The following UBE2QL1 variants were observed in gnomAD, a reference collection of about 807,000 sequenced individuals.
The protein encoded by UBE2QL1 is ubiquitin-conjugating enzyme E2Q-like protein 1.
A neutral mutation model predicts 12.6 loss-of-function variants in UBE2QL1; 5 were observed. That is an observed-to-expected ratio of 0.40 (90% CI 0.21 to 0.83). UBE2QL1 has a LOEUF of 0.83. UBE2QL1 is among the 40% of genes least tolerant of loss of function. The probability of loss-of-function intolerance (pLI) is 0.37; values close to 1 mark genes in which losing one functional copy is unlikely to be tolerated. For synonymous variants in UBE2QL1, 96 were observed against 94.5 expected, an observed-to-expected ratio of 1.02 and a Z score of -0.10; for missense variants, 99 against 222.6, an observed-to-expected ratio of 0.44 and a Z score of 3.53.
intron 1 of UBE2QL1, among the ~76,000 whole-genome samples, chr5:6,470,686 C>G (rs533754): frequency 0.87 from 133,098 of 152,216 alleles, 58,756 homozygotes; most frequent in South Asian, 0.96. Flanking sequence ...AGGGTGCAGG[C>G]TGATGTGGAC....
At chr5:6,452,461 G>C (rs1739429995) in intron 1 of UBE2QL1, among the ~76,000 whole-genome samples, 1 of 151,996 alleles carries the variant, frequency 6.6e-6, no homozygotes, top group South Asian at 2.1e-4. Flanking sequence ...GTAACTCTTA[G>C]TTTTTTATAA....
chr5:6,485,486 G>A (rs1316228741), intron 1 of UBE2QL1, among the ~76,000 whole-genome samples: 1 of 152,192 alleles, frequency 6.6e-6, no homozygotes, highest in Non-Finnish European at 1.5e-5. Context: ...TTTTCCTCAA[G>A]CCAAGAGCCT....
intron 1 of UBE2QL1, among the ~76,000 whole-genome samples, chr5:6,470,765 G>T (rs1739897869): frequency 6.6e-6 from 1 of 152,156 alleles, no homozygotes; most frequent in Admixed American, 6.5e-5. Context: ...CAACCCACGG[G>T]GACTGTCCTG....
chr5:6,458,955 A>G (rs1739591642), intron 1 of UBE2QL1, among the ~76,000 whole-genome samples: 1 of 151,264 alleles, frequency 6.6e-6, no homozygotes, highest in African/African-American at 2.4e-5. Context: ...GTCTGACAGC[A>G]CCTCTCGGGT....
In UBE2QL1 at chr5:6,478,447, G is replaced by A. The variant is rs1003093481; in HGVS notation, c.355-12771G>A. On this transcript the variant is annotated intron_variant, in intron 1 of 1. Transcript: ENST00000399816. The surrounding 1 kb of genome is among the most constrained non-coding windows in gnomAD (Gnocchi z 4.5). ...TACCTGGGTTGTCTGTGAAAATCAC[G>A]CGTTCCTTCTTGATGCAATATTTCT... 5.9e-5 allele frequency among the ~76,000 whole-genome samples: 9 copies of A among 152,180 alleles called. No individual in the cohort carries two copies. Among genetic ancestry groups the A allele is most frequent in the Non-Finnish European group, 1.2e-4 (8 of 68,038 alleles).
In UBE2QL1 at chr5:6,464,942, G is replaced by T. The variant is rs1032759241; in HGVS notation, c.354+15695G>T. On this transcript the variant is annotated intron_variant, in intron 1 of 1. Coordinates refer to ENST00000399816, the MANE Select transcript of UBE2QL1 (RefSeq NM_001145161.3). ...CATGTATGACTACAGAGGCACTGTC[G>T]CCAGGCTCAGGCACTTTTTAACTAT... Among the ~76,000 whole-genome samples the T allele has an allele frequency of 3.3e-5, 5 of 151,808 alleles. No individual in the cohort carries two copies. The East Asian group carries it at 5.8e-4, about 18-fold the overall frequency.
chr5:6,482,809 A>G (rs1025787314), intron 1 of UBE2QL1, among the ~76,000 whole-genome samples: 2 of 152,198 alleles, frequency 1.3e-5, no homozygotes, highest in Admixed American at 1.3e-4. Context: ...TGACCCAGGG[A>G]AGCTGCTGAA....
intron 1 of UBE2QL1, among the ~76,000 whole-genome samples, chr5:6,487,693 TG>T (rs1325191520): frequency 6.6e-6 from 1 of 152,270 alleles, no homozygotes; most frequent in African/African-American, 2.4e-5. Context: ...GTTAATTGTA[TG>T]AAGTTCAAAG....
rs183199544 is a variant in UBE2QL1, at chr5:6,494,269, G to A, written c.*2920G>A. On this transcript the variant is annotated 3_prime_UTR_variant, in exon 2 of 2. Coordinates refer to ENST00000399816, the MANE Select transcript of UBE2QL1 (RefSeq NM_001145161.3). ...AGACTGAGAACTGCTTATGCCTTAGGGAGTTCTATGTGAGCAGCAAGGTTA... is the reference window on the plus strand; with the variant it reads ...AGACTGAGAACTGCTTATGCCTTAGAGAGTTCTATGTGAGCAGCAAGGTTA... 2 of 152,242 alleles carry A rather than the reference G, an allele frequency of 1.3e-5. No homozygotes were observed. Among genetic ancestry groups the A allele is most frequent in the Admixed American group, 1.3e-4 (2 of 15,294 alleles). The allele number at this position is 152,242 out of a possible 1,614,324, so 9.4% of individuals were successfully genotyped here.
intron 1 of UBE2QL1, among the ~76,000 whole-genome samples, chr5:6,453,709 GCACACACA>G (rs3073837): frequency 1.8e-4 from 27 of 150,524 alleles, no homozygotes; most frequent in African/African-American, 2.2e-4. Flanking sequence ...ACACACATGT[GCACACACA>G]CACACACACA....
intron 1 of UBE2QL1, among the ~76,000 whole-genome samples, chr5:6,483,802 T>C (rs1734412657): frequency 6.6e-6 from 1 of 152,216 alleles, no homozygotes; most frequent in Admixed American, 6.5e-5. Context: ...CTGATCCCTG[T>C]GTGGCTGGTC....
chr5:6,477,636 ACAGCAG>A (rs1478267470), intron 1 of UBE2QL1, among the ~76,000 whole-genome samples: 1 of 152,232 alleles, frequency 6.6e-6, no homozygotes, highest in Admixed American at 6.5e-5. Context: ...CCACATGGAG[ACAGCAG>A]CTGCTGGCCT....
At chr5:6,482,507 A>G (rs1187782804) in intron 1 of UBE2QL1, among the ~76,000 whole-genome samples, 1 of 151,480 alleles carries the variant, frequency 6.6e-6, no homozygotes, top group East Asian at 1.9e-4. Flanking sequence ...CAGCTCCTGA[A>G]CCACCTTCCC....
Position 6,476,432 on chromosome 5 carries a change from T to A in UBE2QL1, c.355-14786T>A, listed in dbSNP as rs970678988. 1.3e-5 allele frequency among the ~76,000 whole-genome samples: 2 copies of A among 152,350 alleles called. No homozygotes were observed. The highest frequency in any genetic ancestry group is 3.9e-4 in the East Asian group (2 of 5,186). On this transcript the variant is annotated intron_variant, in intron 1 of 1. Coordinates refer to ENST00000399816, the MANE Select transcript of UBE2QL1 (RefSeq NM_001145161.3). The surrounding 1 kb of genome is among the most constrained non-coding windows in gnomAD (Gnocchi z 4.9). ...CCATTTTAAGAATGTGTTTGGAGTT[T>A]GCCCTCTGGGTCACGGGGCTGCTGG... is the stretch of plus-strand genomic sequence containing the variant.
At position 6,495,719 on chromosome 5, in the gene UBE2QL1, A is replaced by G. The variant is rs2126383745; in HGVS notation, c.*4370A>G. 6.6e-6 allele frequency among the ~76,000 whole-genome samples: 1 copy of G among 152,322 alleles called. No homozygotes were observed. The highest frequency in any genetic ancestry group is 3.4e-3 in the Middle Eastern group (1 of 294). ...TCCAACTGTTTTGGGAAGCTTCTGT[A>G]AGGGGCTTGGAGCTCAGCCTATGGG... On this transcript the variant is annotated 3_prime_UTR_variant, in exon 2 of 2. Coordinates refer to ENST00000399816, the MANE Select transcript of UBE2QL1 (RefSeq NM_001145161.3).
intron 1 of UBE2QL1, among the ~76,000 whole-genome samples, chr5:6,489,738 G>A (rs1471895051): frequency 6.6e-6 from 1 of 152,260 alleles, no homozygotes; most frequent in African/African-American, 2.4e-5. Flanking sequence ...GGAGTTGTCA[G>A]TGAGTTATCA....
chr5:6,457,579 G>A (rs556605242), intron 1 of UBE2QL1, among the ~76,000 whole-genome samples: 1 of 152,292 alleles, frequency 6.6e-6, no homozygotes, highest in East Asian at 1.9e-4. Context: ...AGTGCTTACT[G>A]TGGGTCAGCT....
intron 1 of UBE2QL1, among the ~76,000 whole-genome samples, chr5:6,468,860 T>C (rs977539785): frequency 6.6e-6 from 1 of 152,232 alleles, no homozygotes; most frequent in Non-Finnish European, 1.5e-5. Context: ...AGAACAGTTA[T>C]GTTCCATCAT....
chr5:6,452,842 C>T (rs1739436134), intron 1 of UBE2QL1, among the ~76,000 whole-genome samples: 1 of 152,198 alleles, frequency 6.6e-6, no homozygotes. Context: ...GGACCTTGTT[C>T]TGTCAGTTGT....
Sources: allele counts gnomAD v4.1 joint callset (sites outside exome capture counted in the v4.1 genomes callset), GRCh38; gene constraint gnomAD v4.1.1; non-coding constraint Gnocchi (gnomAD v3.1); transcripts MANE v1.5; gene names NCBI Gene and HGNC (gene_info 2026-07-23, HGNC 2026-07-21).